The following PTPRD variants were observed in gnomAD, a reference collection of about 807,000 sequenced individuals.
PTPRD encodes the protein receptor-type tyrosine-protein phosphatase delta.
Under a neutral mutation model 214.5 loss-of-function variants are expected in PTPRD, and 34 were observed. The observed-to-expected ratio is 0.16, with a 90% CI of 0.12 to 0.21. The LOEUF is 0.21. PTPRD is among the 10% of genes least tolerant of loss of function. The pLI, the probability that PTPRD is intolerant of heterozygous loss-of-function variation, is 1.00. For synonymous variants in PTPRD, 1,128 were observed against 845.7 expected, an observed-to-expected ratio of 1.33 and a Z score of -5.79; for missense variants, 2,545 against 2,398.7, an observed-to-expected ratio of 1.06 and a Z score of -1.27.
intron 5 of PTPRD, among the ~76,000 whole-genome samples, chr9:9,866,409 A>C (rs1433503961): frequency 1.3e-5 from 2 of 152,182 alleles, no homozygotes; most frequent in Non-Finnish European, 2.9e-5. Context: ...TGTGGTGGCC[A>C]TAAATATGTT....
At chr9:8,721,561 A>G (rs2098498824) in intron 12 of PTPRD, among the ~76,000 whole-genome samples, 1 of 152,124 alleles carries the variant, frequency 6.6e-6, no homozygotes, top group Admixed American at 6.5e-5. Flanking sequence ...TATTAACAAA[A>G]TTAATATACC....
chr9:9,386,934 C>T (rs2064073796), intron 9 of PTPRD, among the ~76,000 whole-genome samples: 1 of 152,152 alleles, frequency 6.6e-6, no homozygotes, highest in African/African-American at 2.4e-5. Flanking sequence ...TGAAACAACC[C>T]TTTATGCAAA....
intron 12 of PTPRD, among the ~76,000 whole-genome samples, chr9:8,638,949 T>A (rs2096510912): frequency 6.6e-6 from 1 of 152,148 alleles, no homozygotes; most frequent in Non-Finnish European, 1.5e-5. Flanking sequence ...TTCAAGCGAT[T>A]CTCCTGCCTC....
At position 8,430,437 on chromosome 9, in the gene PTPRD, A is replaced by AT. The variant is rs4008183; in HGVS notation, c.4086+6154dup. On this transcript the variant is annotated intron_variant, in intron 35 of 45. Coordinates refer to ENST00000381196, the MANE Select transcript of PTPRD (RefSeq NM_002839.4). ...AGGTGCATGCCACCACGACAGGCTAATTTTTTTTTTTTTTGTAGTTTTGCA... is the reference window on the plus strand; with the variant it reads ...AGGTGCATGCCACCACGACAGGCTAATTTTTTTTTTTTTTTGTAGTTTTGCA... 9.0e-3 allele frequency among the ~76,000 whole-genome samples: 1,281 copies of AT among 142,054 alleles called. 9 individuals carry two copies. The highest frequency in any genetic ancestry group is 0.019 in the East Asian group (89 of 4,788). 93.2% of individuals were successfully genotyped at this position (142,054 alleles called of 152,430 possible).
intron 2 of PTPRD, among the ~76,000 whole-genome samples, chr9:10,389,374 A>G (rs912783645): frequency 2.0e-5 from 3 of 151,838 alleles, no homozygotes; most frequent in African/African-American, 7.2e-5. Flanking sequence ...TGCTATTTTA[A>G]TATAACATTA....
chr9:10,124,873 T>C (rs1437926172), intron 3 of PTPRD, among the ~76,000 whole-genome samples: 1 of 152,172 alleles, frequency 6.6e-6, no homozygotes, highest in Non-Finnish European at 1.5e-5. Context: ...TATTTGTGGA[T>C]GTTTTAAAGG....
At chr9:8,928,766 A>G (rs1383693261) in intron 11 of PTPRD, among the ~76,000 whole-genome samples, 3 of 152,162 alleles carry the variant, frequency 2.0e-5, no homozygotes, top group Non-Finnish European at 1.5e-5. Context: ...CACTGAATCT[A>G]TAAATTACTT....
At chr9:10,270,589 C>G (rs1186926666) in intron 3 of PTPRD, among the ~76,000 whole-genome samples, 1 of 152,128 alleles carries the variant, frequency 6.6e-6, no homozygotes, top group African/African-American at 2.4e-5. Flanking sequence ...GACTTCCATA[C>G]CAGATTTTTT....
intron 9 of PTPRD, among the ~76,000 whole-genome samples, chr9:9,396,655 G>C (rs1325327317): frequency 2.0e-5 from 3 of 151,864 alleles, no homozygotes; most frequent in Non-Finnish European, 4.4e-5. Flanking sequence ...TAGTCTGAGG[G>C]AAGGGGGAGG....
At chr9:10,338,250 T>C (rs1167437380) in intron 3 of PTPRD, among the ~76,000 whole-genome samples, 3 of 151,644 alleles carry the variant, frequency 2.0e-5, no homozygotes, top group Non-Finnish European at 4.4e-5. Context: ...GTAAGTGCTA[T>C]AGCTCAGTGC....
chr9:8,973,775 C>T (rs10816025), intron 11 of PTPRD, among the ~76,000 whole-genome samples: 78,093 of 151,872 alleles, frequency 0.51, 20,486 homozygotes, highest in East Asian at 0.76. Flanking sequence ...TGTGAAATGG[C>T]ATCTCATTGT....
chr9:9,236,028 C>G (rs2099966454), intron 9 of PTPRD, among the ~76,000 whole-genome samples: 1 of 152,100 alleles, frequency 6.6e-6, no homozygotes, highest in South Asian at 2.1e-4. Context: ...CTTTGGGAGG[C>G]TGAGGCAGGT....
intron 8 of PTPRD, among the ~76,000 whole-genome samples, chr9:9,400,093 T>G (rs200502363): frequency 0.44 from 34,991 of 79,674 alleles, 5,080 homozygotes; most frequent in African/African-American, 0.59. Flanking sequence ...TACCTACTAG[T>G]TTTTTTTTTT....
At chr9:9,603,871 CA>C (rs1295658737) in intron 7 of PTPRD, among the ~76,000 whole-genome samples, 1 of 151,590 alleles carries the variant, frequency 6.6e-6, no homozygotes, top group South Asian at 2.1e-4. Context: ...ATTTTAGTTT[CA>C]GGGGTACAGG....
intron 39 of PTPRD, among the ~76,000 whole-genome samples, chr9:8,372,789 T>A (rs1352695692): frequency 6.6e-6 from 1 of 151,978 alleles, no homozygotes; most frequent in African/African-American, 2.4e-5. Flanking sequence ...AATGGCTCAT[T>A]TTTGTCTTAG....
intron 8 of PTPRD, among the ~76,000 whole-genome samples, chr9:9,543,146 AAAC>A (rs1348939421): frequency 1.3e-4 from 19 of 151,850 alleles, no homozygotes; most frequent in African/African-American, 4.3e-4. Flanking sequence ...ACTACTAATA[AAAC>A]AACATTAATG....
chr9:9,735,865 G>A lies in PTPRD; in HGVS notation c.-325-1294C>T, dbSNP rs528183948. On this transcript the variant is annotated intron_variant, in intron 6 of 45. Coordinates refer to ENST00000381196, the MANE Select transcript of PTPRD (RefSeq NM_002839.4). ...ATATTTTAAGTTATTTCTTTGCGGTGCGTTATAAACCACAAAAGATTTGCA... is the reference window on the plus strand; with the variant it reads ...ATATTTTAAGTTATTTCTTTGCGGTACGTTATAAACCACAAAAGATTTGCA... Among the ~76,000 whole-genome samples the A allele has an allele frequency of 4.6e-5, 7 of 152,080 alleles. No homozygotes were observed. The East Asian group carries it at 7.7e-4, about 17-fold the overall frequency.
chr9:10,060,428 T>A (rs1490753321), intron 3 of PTPRD, among the ~76,000 whole-genome samples: 1 of 152,092 alleles, frequency 6.6e-6, no homozygotes, highest in Non-Finnish European at 1.5e-5. Flanking sequence ...ATTACTGCCT[T>A]CTTATTTGAA....
At chr9:8,937,826 ATC>A (rs2099007692) in intron 11 of PTPRD, among the ~76,000 whole-genome samples, 2 of 152,202 alleles carry the variant, frequency 1.3e-5, no homozygotes, top group Non-Finnish European at 2.9e-5. Context: ...AGGGTCAAGA[ATC>A]TTGTGGCTAC....
Sources: allele counts gnomAD v4.1 joint callset (sites outside exome capture counted in the v4.1 genomes callset), GRCh38; gene constraint gnomAD v4.1.1; transcripts MANE v1.5; gene names NCBI Gene and HGNC (gene_info 2026-07-23, HGNC 2026-07-21).